The following MID1 variants were observed in gnomAD, a reference collection of about 807,000 sequenced individuals.
MID1 encodes E3 ubiquitin-protein ligase Midline-1.
In MID1, 7 loss-of-function variants were observed where a neutral mutation model predicts 40.4. That is an observed-to-expected ratio of 0.17 (90% confidence interval 0.10 to 0.33). The LOEUF is 0.33. Ranked by LOEUF, MID1 falls within the 10% of genes least tolerant of loss-of-function variation. The pLI is 1.00. For synonymous variants in MID1, 229 were observed against 221.2 expected (o/e 1.04, Z -0.31); for missense variants, 367 against 558.5 (o/e 0.66, Z 3.46).
chrX:10,754,309 G>GTTTTTTTTTTTTTTTTTTT (rs200251008), intron 1 of MID1, among the ~76,000 whole-genome samples: 8 of 104,576 alleles, frequency 7.6e-5, no homozygotes, highest in African/African-American at 3.2e-4. Flanking sequence ...GTTTTTTTTT[G>GTTTTTTTTTTTTTTTTTTT]TTTTTTGTTT....
chrX:10,643,426 A>C (rs1936225546), intron 1 of MID1, among the ~76,000 whole-genome samples: 1 of 111,975 alleles, frequency 8.9e-6, no homozygotes, highest in Admixed American at 9.4e-5. Context: ...GCTCATCATC[A>C]CTGGCCATCA....
chrX:10,819,973 G>T (rs1272068160), intron 1 of MID1, among the ~76,000 whole-genome samples: 1 of 111,704 alleles, frequency 9.0e-6, no homozygotes, highest in Non-Finnish European at 1.9e-5. Context: ...TCAAATCTGG[G>T]ATCATAATTG....
At chrX:10,451,785 C>A (rs1409193357) in intron 9 of MID1, among the ~76,000 whole-genome samples, 1 of 111,721 alleles carries the variant, frequency 9.0e-6, no homozygotes, top group Non-Finnish European at 1.9e-5. Flanking sequence ...CTTGTTCCTC[C>A]TTGCCTTCTG....
intron 1 of MID1, among the ~76,000 whole-genome samples, chrX:10,684,365 T>C (rs2043079152): frequency 9.2e-6 from 1 of 108,648 alleles, no homozygotes; most frequent in South Asian, 4.0e-4. Context: ...CTTTCTTTCT[T>C]TCTCTCTTTT....
At chrX:10,507,310 T>G (rs760225526) in intron 3 of MID1, among the ~76,000 whole-genome samples, 365 of 110,690 alleles carry the variant, frequency 3.3e-3, no homozygotes, top group Non-Finnish European at 4.7e-3. Flanking sequence ...GGGGTCAGGG[T>G]TGTGGGAAGG....
At chrX:10,551,927 C>T (rs922013439) in intron 2 of MID1, among the ~76,000 whole-genome samples, 6 of 111,393 alleles carry the variant, frequency 5.4e-5, no homozygotes, top group African/African-American at 1.6e-4. Context: ...GGACCATAGG[C>T]GTGTGCCATC....
intron 1 of MID1, among the ~76,000 whole-genome samples, chrX:10,792,979 A>T (rs1181907042): frequency 8.9e-6 from 1 of 112,184 alleles, no homozygotes; most frequent in East Asian, 2.8e-4. Context: ...AGTGCATATT[A>T]AAAGTCCTAC....
At position 10,717,316 on chromosome X, in the gene MID1, T is replaced by C. The variant is rs1211540370; in HGVS notation, c.-186-96897A>G. ...AGGAGACCCATCTCACGTGCAGAGA[T>C]ACACATAGGCTCAAAATAAAGGGAT... is the stretch of plus-strand genomic sequence containing the variant. On this transcript the variant is annotated intron_variant, in intron 1 of 10. Coordinates refer to the MID1 transcript ENST00000380785. Among the ~76,000 whole-genome samples the C allele has an allele frequency of 1.3e-4, 14 of 104,706 alleles. No individual in the cohort carries two copies. The South Asian group carries it at 5.3e-3, about 39-fold the overall frequency. 90.9% of individuals were successfully genotyped at this position (104,706 alleles called of 115,157 possible).
chrX:10,670,363 A>T (rs2042980039), intron 1 of MID1, among the ~76,000 whole-genome samples: 1 of 111,903 alleles, frequency 8.9e-6, no homozygotes, highest in South Asian at 3.7e-4. Flanking sequence ...TAAAGCCCAT[A>T]AGTAAATAGT....
chrX:10,701,272 T>C (rs758266376), intron 1 of MID1, among the ~76,000 whole-genome samples: 1 of 111,955 alleles, frequency 8.9e-6, no homozygotes, highest in South Asian at 3.8e-4. Flanking sequence ...TCAAGGCTGG[T>C]AAATAGGACC....
chrX:10,500,174 T>C (rs907071207), intron 3 of MID1, among the ~76,000 whole-genome samples: 2 of 112,039 alleles, frequency 1.8e-5, no homozygotes, highest in African/African-American at 6.5e-5. Flanking sequence ...CCAGTTGCCA[T>C]TGTAATATGG....
At chrX:10,821,602 C>T (rs775733091) in intron 1 of MID1, among the ~76,000 whole-genome samples, 6 of 112,106 alleles carry the variant, frequency 5.4e-5, no homozygotes, top group Non-Finnish European at 1.1e-4. Flanking sequence ...CTCCTCCTTT[C>T]GTAAAGATAC....
intron 2 of MID1, among the ~76,000 whole-genome samples, chrX:10,524,578 T>C (rs1312828035): frequency 9.1e-6 from 1 of 109,644 alleles, no homozygotes; most frequent in Non-Finnish European, 1.9e-5. Context: ...TTCATTTACT[T>C]ATGTGTTCAT....
In MID1 at chrX:10,567,582, C is replaced by A. The variant is rs775217329; in HGVS notation, c.-35G>T. 1.1e-4 allele frequency: 134 copies of A among 1,203,137 alleles called. No individual in the cohort carries two copies. Among genetic ancestry groups the A allele is most frequent in the Non-Finnish European group, 1.4e-4 (123 of 889,112 alleles). On this transcript the variant is annotated 5_prime_UTR_variant, in exon 2 of 10. Transcript: ENST00000317552. ...AAGCTCTCTTGTGTCATCAGCAAAA[C>A]CCAAGGAAGCTGATCAGCTATCTGG...
intron 1 of MID1, among the ~76,000 whole-genome samples, chrX:10,636,886 C>T (rs1936124003): frequency 1.1e-5 from 1 of 89,857 alleles, no homozygotes; most frequent in Non-Finnish European, 2.2e-5. Flanking sequence ...TCTTAAAACG[C>T]TGTGTGTGTG....
At chrX:10,798,321 C>G (rs1011003723) in intron 1 of MID1, among the ~76,000 whole-genome samples, 12 of 111,994 alleles carry the variant, frequency 1.1e-4, no homozygotes, top group Non-Finnish European at 1.1e-4. Flanking sequence ...GACTGGGAGC[C>G]TATCAAAAGC....
rs191670202 is a variant in MID1 at position 10,485,195 on chromosome X, T to C, written c.865-2567A>G. Among the ~76,000 whole-genome samples, 108 of 111,613 alleles carry C rather than the reference T, an allele frequency of 9.7e-4. 1 individual carries two copies. Among genetic ancestry groups the C allele is most frequent in the African/African-American group, 3.4e-3 (106 of 30,751 alleles). ...AGACCGTATGGCAAAGCCTAAAATA[T>C]TTGTTATCTGGCCCTTGACAGAAAA... On this transcript the variant is annotated intron_variant, in intron 4 of 9. Transcript: ENST00000317552.
At position 10,817,566 on chromosome X, in the gene MID1, T is replaced by TTCTC. The variant is rs1242086835; in HGVS notation, c.-187+15987_-187+15988insGAGA. ...TTTCTTTCTTTCTTTCTTTCTTTCT[T>TTCTC]TCTTTCTCTCTTTCTTTCTTTCTCT... is the stretch of plus-strand genomic sequence containing the variant. On this transcript the variant is annotated intron_variant, in intron 1 of 10. Coordinates refer to the MID1 transcript ENST00000380785. Among the ~76,000 whole-genome samples, 5 of 92,600 alleles carry TTCTC rather than the reference T, an allele frequency of 5.4e-5. No individual in the cohort carries two copies. In the Admixed American group the frequency reaches 6.1e-4, roughly 11 times the overall value. The allele number at this position is 92,600 out of a possible 115,157, so 80.4% of individuals were successfully genotyped here.
intron 1 of MID1, among the ~76,000 whole-genome samples, chrX:10,743,220 C>A (rs1211530729): frequency 8.9e-6 from 1 of 112,212 alleles, no homozygotes; most frequent in African/African-American, 3.2e-5. Context: ...TTGGGAACAC[C>A]ATGTGATAAA....
Sources: gnomAD v4.1 joint callset for allele counts (sites outside exome capture counted in the v4.1 genomes callset) on GRCh38, gnomAD v4.1.1 for gene constraint, MANE v1.5 for transcripts, NCBI Gene and HGNC (gene_info 2026-07-23, HGNC 2026-07-21) for gene names.